SCHIP1: variants seen among roughly 807,000 people sequenced by gnomAD.
SCHIP1 encodes schwannomin-interacting protein 1.
Under a neutral mutation model 29.7 loss-of-function variants are expected in SCHIP1, and 8 were observed. The ratio of observed to expected loss-of-function variants is 0.27; its 90% confidence interval spans 0.16 to 0.49. The LOEUF (loss-of-function observed/expected upper bound fraction) is 0.49. SCHIP1 is among the 20% of genes least tolerant of loss of function. The probability of loss-of-function intolerance (pLI) is 0.99; values close to 1 mark genes in which losing one functional copy is unlikely to be tolerated. For synonymous variants in SCHIP1, 76 were observed against 94.9 expected (o/e 0.80, Z 1.16); for missense variants, 193 against 294.6 (o/e 0.66, Z 2.52).
At chr3:159,437,530 C>G in the SCHIP1 span, among the ~76,000 whole-genome samples, 1 of 151,990 alleles carries the variant, frequency 6.6e-6, no homozygotes, top group Non-Finnish European at 1.5e-5. Flanking sequence ...ACCTCCTTAC[C>G]ACCACTTCTT....
the SCHIP1 span, among the ~76,000 whole-genome samples, chr3:159,679,957 A>G: frequency 6.6e-6 from 1 of 151,948 alleles, no homozygotes; most frequent in Non-Finnish European, 1.5e-5. Flanking sequence ...CCTCCTTCAG[A>G]TATTTCTCTC....
chr3:159,340,373 T>C, the SCHIP1 span, among the ~76,000 whole-genome samples: 5 of 152,064 alleles, frequency 3.3e-5, no homozygotes, highest in South Asian at 2.1e-4. Flanking sequence ...CTAATAATTA[T>C]CAAAATTCAA....
At chr3:159,506,220 GT>G in the SCHIP1 span, among the ~76,000 whole-genome samples, 10 of 152,246 alleles carry the variant, frequency 6.6e-5, no homozygotes, top group Non-Finnish European at 1.5e-4. Flanking sequence ...CTGATGGCCA[GT>G]GATGATGAGC....
chr3:159,553,733 C>T, the SCHIP1 span, among the ~76,000 whole-genome samples: 7 of 152,208 alleles, frequency 4.6e-5, no homozygotes, highest in Admixed American at 2.0e-4. Flanking sequence ...TTTGGTCTTT[C>T]CCACTGTATT....
chr3:159,514,984 A>G, the SCHIP1 span, among the ~76,000 whole-genome samples: 1 of 152,150 alleles, frequency 6.6e-6, no homozygotes, highest in African/African-American at 2.4e-5. Context: ...CTCACATCAC[A>G]GCCACGTATC....
At chr3:159,421,634 G>T in the SCHIP1 span, among the ~76,000 whole-genome samples, 2 of 152,150 alleles carry the variant, frequency 1.3e-5, no homozygotes, top group African/African-American at 4.8e-5. Flanking sequence ...TGGTGTTTTG[G>T]TTTACAAAAG....
At chr3:159,665,713 T>C in the SCHIP1 span, among the ~76,000 whole-genome samples, 8 of 152,154 alleles carry the variant, frequency 5.3e-5, no homozygotes, top group African/African-American at 1.9e-4. Context: ...AGTGAGGTCC[T>C]GGAGGAATAA....
chr3:159,891,292 A>G (rs1319284653), intron 5 of SCHIP1, among the ~76,000 whole-genome samples: 1 of 151,944 alleles, frequency 6.6e-6, no homozygotes, highest in Non-Finnish European at 1.5e-5. Context: ...AATCACTCGA[A>G]CCCGGGAGGT....
At chr3:159,405,405 A>T in the SCHIP1 span, among the ~76,000 whole-genome samples, 1 of 152,232 alleles carries the variant, frequency 6.6e-6, no homozygotes, top group Non-Finnish European at 1.5e-5. Context: ...GATAACATAG[A>T]GAAGGAATTA....
chr3:159,715,237 A>G, the SCHIP1 span, among the ~76,000 whole-genome samples: 1 of 152,244 alleles, frequency 6.6e-6, no homozygotes, highest in South Asian at 2.1e-4. Context: ...CCAAAACCCC[A>G]TCTATACATC....
chr3:159,837,033 G>A (rs1743730043), upstream of SCHIP1, among the ~76,000 whole-genome samples: 1 of 151,584 alleles, frequency 6.6e-6, no homozygotes, highest in Non-Finnish European at 1.5e-5. Flanking sequence ...TCAGAAATCT[G>A]TTCTCCCTAG....
At chr3:159,662,766 A>T in the SCHIP1 span, among the ~76,000 whole-genome samples, 13 of 152,244 alleles carry the variant, frequency 8.5e-5, no homozygotes, top group Non-Finnish European at 1.5e-4. Flanking sequence ...CATGCAGCTT[A>T]TAAGAGGCAG....
chr3:159,568,977 C>A, the SCHIP1 span, among the ~76,000 whole-genome samples: 9 of 152,156 alleles, frequency 5.9e-5, no homozygotes, highest in Admixed American at 5.2e-4. Flanking sequence ...CATTTTATCT[C>A]TTTAACTCTG....
the SCHIP1 span, chr3:159,274,050 GA>G: frequency 1.0e-6 from 1 of 982,678 alleles, no homozygotes; most frequent in South Asian, 4.7e-5. Flanking sequence ...ATGTTCATTT[GA>G]AAAAAATACT....
chr3:159,763,763 G>C, the SCHIP1 span: 4 of 152,260 alleles, frequency 2.6e-5, no homozygotes, highest in South Asian at 4.1e-4. Flanking sequence ...GGAGGCGGGG[G>C]ACCACCCTGC....
At chr3:159,448,143 G>A in the SCHIP1 span, among the ~76,000 whole-genome samples, 1 of 152,172 alleles carries the variant, frequency 6.6e-6, no homozygotes, top group Non-Finnish European at 1.5e-5. Context: ...TAACTGTGAG[G>A]ATCAAATAAG....
chr3:159,472,894 G>A, the SCHIP1 span, among the ~76,000 whole-genome samples: 3 of 152,228 alleles, frequency 2.0e-5, no homozygotes, highest in African/African-American at 7.2e-5. Context: ...GAGTCACACA[G>A]TGGGTTGTGA....
chr3:159,858,347 C>T (rs1229789971), intron 1 of SCHIP1, among the ~76,000 whole-genome samples: 6 of 152,184 alleles, frequency 3.9e-5, no homozygotes. Flanking sequence ...ACCTCCTCTA[C>T]CGTAGCCATC....
the SCHIP1 span, among the ~76,000 whole-genome samples, chr3:159,668,316 G>A: frequency 6.0e-5 from 9 of 148,870 alleles, no homozygotes; most frequent in African/African-American, 7.7e-5. Context: ...GGTGGAGCTT[G>A]CAGTGAGCCG....
Sources: gnomAD v4.1 joint callset for allele counts (sites outside exome capture counted in the v4.1 genomes callset) on GRCh38, gnomAD v4.1.1 for gene constraint, MANE v1.5 for transcripts, NCBI Gene and HGNC (gene_info 2026-07-23, HGNC 2026-07-21) for gene names.